The following EIF3E variants were observed in gnomAD, a reference collection of about 807,000 sequenced individuals.
EIF3E encodes the protein eIF-3 p48.
A neutral mutation model predicts 59.3 loss-of-function variants in EIF3E; 25 were observed. The observed-to-expected ratio is 0.42, with a 90% confidence interval of 0.31 to 0.59. The LOEUF (loss-of-function observed/expected upper bound fraction) is 0.59. Ranked by LOEUF, EIF3E falls within the 20% of genes least tolerant of loss-of-function variation. The pLI is 0.15. For synonymous variants in EIF3E, 176 were observed against 170.2 expected (o/e 1.03, Z -0.26); for missense variants, 317 against 534.3 (o/e 0.59, Z 4.01).
chr8:108,203,113 T>A lies in EIF3E; in HGVS notation c.1169A>T (p.His390Leu). Residue 390 changes from histidine to leucine, a missense_variant, in exon 12 of 13, where the codon CAT (histidine) becomes CTT (leucine). Coordinates refer to ENST00000220849, the MANE Select transcript of EIF3E (RefSeq NM_001568.3). ...LDAKIDSKLG[H>L]VVMGNNAVSP... ...GACTGCATTGTTACCCATAACCACA[T>A]GACCCTAAAAGGAAACACAGGGAAA... The A allele has an allele frequency of 6.2e-7, 1 of 1,611,420 alleles. No homozygotes were observed. Among genetic ancestry groups the A allele is most frequent in the Non-Finnish European group, 8.5e-7 (1 of 1,178,774 alleles).
chr8:108,207,970 A>G (rs1174055020), intron 10 of EIF3E, among the ~76,000 whole-genome samples: 1 of 152,154 alleles, frequency 6.6e-6, no homozygotes, highest in Non-Finnish European at 1.5e-5. Context: ...TTTTGTTTCC[A>G]GGAAGTAAAA....
chr8:108,216,577 A>G, intron 8 of EIF3E, 64 bp from the exon 9 acceptor site: 1 of 1,081,502 alleles, frequency 9.2e-7, no homozygotes, highest in Non-Finnish European at 1.4e-6. Flanking sequence ...ATTGCCCCAG[A>G]ATATCCCAAT....
chr8:108,237,087 C>T (rs1248409583), intron 3 of EIF3E, among the ~76,000 whole-genome samples: 1 of 152,064 alleles, frequency 6.6e-6, no homozygotes, highest in African/African-American at 2.4e-5. Context: ...TGCTACATAC[C>T]CTACACAATC....
intron 1 of EIF3E, 187 bp from the exon 2 acceptor site, chr8:108,242,100 T>C (rs2129925793): frequency 6.9e-7 from 1 of 1,459,750 alleles, no homozygotes; most frequent in East Asian, 2.8e-5. Context: ...GACGTAAAAG[T>C]ATTTTACTTA....
intron 10 of EIF3E, among the ~76,000 whole-genome samples, chr8:108,204,293 C>A (rs1322479874): frequency 6.6e-6 from 1 of 152,000 alleles, no homozygotes; most frequent in Admixed American, 6.6e-5. Context: ...CACTTAGGAA[C>A]CAACCTACGT....
At chr8:108,203,199 G>A in intron 11 of EIF3E, 82 bp from the exon 12 acceptor site, 1 of 1,516,028 alleles carries the variant, frequency 6.6e-7, no homozygotes. Context: ...ACATACCTTT[G>A]CGCATATTTT....
rs1425738408 is a variant in EIF3E at position 108,201,254 on chromosome 8, T to C, written c.*631A>G. 1 of 142,576 alleles carries C rather than the reference T, an allele frequency of 7.0e-6. No individual in the cohort carries two copies. Among genetic ancestry groups the C allele is most frequent in the Non-Finnish European group, 1.5e-5 (1 of 66,822 alleles). 8.8% of individuals were successfully genotyped at this position (142,576 alleles called of 1,614,324 possible). A position where few individuals can be genotyped will look rare whatever the true frequency, so the allele number is the denominator to read the frequency against. On this transcript the variant is annotated 3_prime_UTR_variant, in exon 13 of 13. Transcript: ENST00000220849. ...AAAAAGGAATTAACTACTGATCATA[T>C]ATATATATATATCTATCTCTCAACT...
chr8:108,246,857 T>G (rs1815959025), intron 1 of EIF3E, among the ~76,000 whole-genome samples: 1 of 152,240 alleles, frequency 6.6e-6, no homozygotes, highest in African/African-American at 2.4e-5. Flanking sequence ...TCTAGCTTAC[T>G]TTATTGTAAT....
intron 10 of EIF3E, among the ~76,000 whole-genome samples, chr8:108,204,746 T>TATAC (rs1354950271): frequency 8.8e-6 from 1 of 113,686 alleles, no homozygotes; most frequent in African/African-American, 3.5e-5. Flanking sequence ...TATATATATA[T>TATAC]AGAGAGAGAG....
intron 1 of EIF3E, among the ~76,000 whole-genome samples, chr8:108,247,567 A>T (rs1815971663): frequency 6.6e-6 from 1 of 152,218 alleles, no homozygotes; most frequent in Non-Finnish European, 1.5e-5. Context: ...TATGAATATG[A>T]GGATTATACC....
rs151031615 is a variant in EIF3E at position 108,226,601 on chromosome 8, T to TC, written c.722+1665dup. On this transcript the variant is annotated intron_variant, in intron 7 of 12. Coordinates refer to ENST00000220849, the MANE Select transcript of EIF3E (RefSeq NM_001568.3). Reference sequence around the variant, plus strand: ...AAATATAATTTTAATATCATTTTTCTCTTCCTTCCAAATATCCAATGGCTT... The same window carrying TC: ...AAATATAATTTTAATATCATTTTTCTCCTTCCTTCCAAATATCCAATGGCTT... Among the ~76,000 whole-genome samples, 751 of 152,362 alleles carry TC rather than the reference T, an allele frequency of 4.9e-3. 7 individuals are homozygous for TC. Among genetic ancestry groups the TC allele is most frequent in the African/African-American group, 0.017 (716 of 41,580 alleles).
chr8:108,219,864 G>A (rs770647686), intron 7 of EIF3E, among the ~76,000 whole-genome samples: 7 of 151,348 alleles, frequency 4.6e-5, no homozygotes, highest in Admixed American at 1.3e-4. Context: ...AAATGTAGGC[G>A]GGGCATGGTG....
chr8:108,237,207 G>T (rs1053786458), intron 3 of EIF3E, among the ~76,000 whole-genome samples: 1 of 152,132 alleles, frequency 6.6e-6, no homozygotes, highest in East Asian at 1.9e-4. Flanking sequence ...AAGACATCAA[G>T]GGACAGGGGA....
chr8:108,236,106 C>T, intron 4 of EIF3E, 55 bp downstream of exon 4: 1 of 1,494,872 alleles, frequency 6.7e-7, no homozygotes, highest in Non-Finnish European at 9.2e-7. Context: ...ACAAACCAGT[C>T]TTTAGTCAGC....
At chr8:108,240,191 C>A (rs1815808513) in intron 2 of EIF3E, 116 bp from the exon 3 acceptor site, 1 of 834,002 alleles carries the variant, frequency 1.2e-6, no homozygotes, top group Non-Finnish European at 2.1e-6. Flanking sequence ...ATTTATTTAC[C>A]CCCAATATAT....
intron 10 of EIF3E, among the ~76,000 whole-genome samples, chr8:108,210,162 T>C (rs1033928195): frequency 6.6e-6 from 1 of 152,106 alleles, no homozygotes; most frequent in Non-Finnish European, 1.5e-5. Flanking sequence ...TTAGGCTCAG[T>C]CATATAGTAT....
intron 7 of EIF3E, among the ~76,000 whole-genome samples, chr8:108,219,970 C>T (rs1198724596): frequency 6.6e-6 from 1 of 152,084 alleles, no homozygotes; most frequent in Non-Finnish European, 1.5e-5. Context: ...CGGTGAAACC[C>T]TGTCTCTACT....
intron 9 of EIF3E, among the ~76,000 whole-genome samples, 193 bp downstream of exon 9, chr8:108,216,219 A>G (rs1009773347): frequency 1.3e-5 from 2 of 152,226 alleles, no homozygotes; most frequent in Non-Finnish European, 2.9e-5. Flanking sequence ...TTCCCATTTT[A>G]AGATTAATAA....
intron 10 of EIF3E, among the ~76,000 whole-genome samples, chr8:108,204,595 G>C (rs1815054909): frequency 6.6e-6 from 1 of 151,790 alleles, no homozygotes; most frequent in East Asian, 1.9e-4. Flanking sequence ...TTTTAAAAAA[G>C]TAAGCCTACT....
Sources: allele counts gnomAD v4.1 joint callset (sites outside exome capture counted in the v4.1 genomes callset), GRCh38; gene constraint gnomAD v4.1.1; transcripts MANE v1.5; gene names NCBI Gene and HGNC (gene_info 2026-07-23, HGNC 2026-07-21).